The following PPHLN1 variants were observed in gnomAD, a reference collection of about 807,000 sequenced individuals.
PPHLN1 encodes periphilin 1, also known as periphilin-1.
In PPHLN1, 29 loss-of-function variants were observed where a neutral mutation model predicts 51.3. The ratio of observed to expected loss-of-function variants is 0.57; its 90% confidence interval spans 0.42 to 0.77. The LOEUF (loss-of-function observed/expected upper bound fraction) is 0.77. Ranked by LOEUF, PPHLN1 falls within the 30% of genes least tolerant of loss-of-function variation. The pLI is 0.00. For missense variants in PPHLN1, 436 were observed against 438.4 expected, an observed-to-expected ratio of 0.99 and a Z score of 0.05; for synonymous variants, 147 against 147.8, an observed-to-expected ratio of 0.99 and a Z score of 0.04.
chr12:42,389,243 G>A lies in PPHLN1; in HGVS notation c.648+1708G>A, dbSNP rs563538625. ...AAAAAATTAGCTGGCCGTGGTGGCA[G>A]GCGCCTGTAGTCCCAGCTACGTAGG... is the stretch of plus-strand genomic sequence containing the variant. On this transcript the variant is annotated intron_variant, in intron 7 of 9. Transcript: ENST00000358314. Among the ~76,000 whole-genome samples the A allele has an allele frequency of 5.9e-5, 9 of 152,154 alleles. No homozygotes were observed. The South Asian group carries it at 1.9e-3, about 32-fold the overall frequency.
intron 9 of PPHLN1, among the ~76,000 whole-genome samples, chr12:42,439,376 TAAAAGA>T (rs2082744407): frequency 6.6e-6 from 1 of 152,264 alleles, no homozygotes; most frequent in Admixed American, 6.5e-5. Flanking sequence ...TGCTCTGTTT[TAAAAGA>T]TCAGTTCACT....
intron 5 of PPHLN1, among the ~76,000 whole-genome samples, chr12:42,378,689 T>G (rs2076514230): frequency 6.6e-6 from 1 of 152,168 alleles, no homozygotes; most frequent in Non-Finnish European, 1.5e-5. Context: ...TTTTACTACA[T>G]TTTTAAATTC....
At chr12:42,426,769 T>C (rs748447927) in intron 9 of PPHLN1, among the ~76,000 whole-genome samples, 14 of 152,206 alleles carry the variant, frequency 9.2e-5, no homozygotes, top group Non-Finnish European at 2.1e-4. Flanking sequence ...CCTCCCTGAA[T>C]TGAGAACTCA....
intron 9 of PPHLN1, among the ~76,000 whole-genome samples, chr12:42,416,069 G>A (rs145034591): frequency 3.3e-5 from 5 of 152,264 alleles, no homozygotes; most frequent in East Asian, 3.9e-4. Context: ...GGTGAATGAC[G>A]TGCATGCAAG....
intron 2 of PPHLN1, among the ~76,000 whole-genome samples, chr12:42,345,384 C>A (rs1270887973): frequency 1.3e-5 from 2 of 151,434 alleles, no homozygotes; most frequent in South Asian, 2.1e-4. Flanking sequence ...TTTTTTAATA[C>A]CCTGCCAGAG....
intron 9 of PPHLN1, among the ~76,000 whole-genome samples, chr12:42,417,496 C>A (rs2080497770): frequency 6.6e-6 from 1 of 151,596 alleles, no homozygotes; most frequent in Non-Finnish European, 1.5e-5. Context: ...CCATATGTTA[C>A]ATGTTGGTAT....
chr12:42,403,686 A>G (rs959783845), intron 9 of PPHLN1, among the ~76,000 whole-genome samples: 17 of 152,228 alleles, frequency 1.1e-4, no homozygotes. Context: ...CATACTTAAA[A>G]TGATATGAGT....
intron 2 of PPHLN1, among the ~76,000 whole-genome samples, chr12:42,336,255 A>G (rs1243846945): frequency 6.6e-6 from 1 of 152,226 alleles, no homozygotes; most frequent in African/African-American, 2.4e-5. Flanking sequence ...TTTTATAAAG[A>G]TTATACCATC....
At chr12:42,385,031 G>T (rs1565897903) in intron 6 of PPHLN1, 35 bp downstream of exon 6, 2 of 1,548,280 alleles carry the variant, frequency 1.3e-6, no homozygotes, top group Non-Finnish European at 1.8e-6. Flanking sequence ...TTGGGATTGT[G>T]AAGGGGTGGG....
At position 42,426,223 on chromosome 12, in the gene PPHLN1, CACACA is replaced by C. The variant is rs1566010488; in HGVS notation, c.910-15091_910-15087del. On this transcript the variant is annotated intron_variant, in intron 9 of 9. Coordinates refer to ENST00000358314, the MANE Select transcript of PPHLN1 (RefSeq NM_201439.2). ...ACACACACACACACACACACACACA[CACACA>C]CCCTCATGCATTGTCTCATGGCAGT... Among the ~76,000 whole-genome samples the C allele has an allele frequency of 2.1e-3, 267 of 128,878 alleles. 1 individual carries two copies. Among genetic ancestry groups the C allele is most frequent in the Middle Eastern group, 7.9e-3 (2 of 252 alleles). 84.5% of individuals were successfully genotyped at this position (128,878 alleles called of 152,430 possible).
chr12:42,331,572 A>G (rs547653687), intron 1 of PPHLN1, among the ~76,000 whole-genome samples: 2 of 152,360 alleles, frequency 1.3e-5, no homozygotes, highest in South Asian at 2.1e-4. Context: ...CTGGAATTAA[A>G]TATCCCATGA....
At chr12:42,346,443 TC>T (rs2072341475) in intron 2 of PPHLN1, among the ~76,000 whole-genome samples, 1 of 152,204 alleles carries the variant, frequency 6.6e-6, no homozygotes, top group South Asian at 2.1e-4. Context: ...TGAATAATAT[TC>T]CACTAATATA....
intron 8 of PPHLN1, among the ~76,000 whole-genome samples, chr12:42,394,625 T>G (rs1018208830): frequency 1.3e-5 from 2 of 152,132 alleles, no homozygotes; most frequent in Admixed American, 1.3e-4. Flanking sequence ...TTAAAAATGC[T>G]GATCTGTCTT....
At chr12:42,395,419 G>C (rs538820119) in intron 8 of PPHLN1, among the ~76,000 whole-genome samples, 1 of 151,736 alleles carries the variant, frequency 6.6e-6, no homozygotes. Context: ...ATACTTTTTC[G>C]TACTGGAAAT....
downstream of PPHLN1, chr12:42,447,178 C>CT (rs34507785): frequency 0.02 from 3,110 of 152,440 alleles, 98 homozygotes; most frequent in African/African-American, 0.071. Context: ...CAAAAAAACT[C>CT]TAATCAAAAG....
intron 7 of PPHLN1, 48 bp downstream of exon 7, chr12:42,387,583 A>G: frequency 6.2e-7 from 1 of 1,601,986 alleles, no homozygotes; most frequent in Non-Finnish European, 8.5e-7. Context: ...ACAAATTGAG[A>G]TGGACTGACT....
chr12:42,351,591 TAA>T lies in PPHLN1; in HGVS notation c.73-293_73-292del, dbSNP rs146580193. On this transcript the variant is annotated intron_variant, in intron 2 of 9. Coordinates refer to ENST00000358314, the MANE Select transcript of PPHLN1 (RefSeq NM_201439.2). The stretch of plus-strand genomic sequence containing the variant: ...ATAGAGCTACTGTAACATTCTGTCT[TAA>T]GTTTATTTTTTACTAAAATGATAAT... 1,477 of 178,494 alleles carry T rather than the reference TAA, an allele frequency of 8.3e-3. 24 individuals carry two copies. Among genetic ancestry groups the T allele is most frequent in the African/African-American group, 0.032 (1,341 of 42,418 alleles). The allele number at this position is 178,494 out of a possible 1,614,324, so 11.1% of individuals were successfully genotyped here.
chr12:42,423,329 A>C lies in PPHLN1; in HGVS notation c.910-17986A>C, dbSNP rs149461548. 4.5e-3 allele frequency among the ~76,000 whole-genome samples: 692 copies of C among 152,226 alleles called. 3 individuals carry two copies. Among genetic ancestry groups the C allele is most frequent in the African/African-American group, 0.016 (650 of 41,540 alleles). ...CTTCAGAGATAAAAGTAAAATAATG[A>C]ATTATTTTAAATATTAATTAATTTT... On this transcript the variant is annotated intron_variant, in intron 9 of 9. Transcript: ENST00000358314.
chr12:42,446,919 A>C (rs1189082340), downstream of PPHLN1: 2 of 340,646 alleles, frequency 5.9e-6, no homozygotes, highest in Non-Finnish European at 1.1e-5. Flanking sequence ...AAATCATGCA[A>C]GACTGCTCCC....
Sources: gnomAD v4.1 joint callset for allele counts (sites outside exome capture counted in the v4.1 genomes callset) on GRCh38, gnomAD v4.1.1 for gene constraint, MANE v1.5 for transcripts, NCBI Gene and HGNC (gene_info 2026-07-23, HGNC 2026-07-21) for gene names.